MALRD1: variants seen among roughly 807,000 people sequenced by gnomAD.
MALRD1 encodes MAM and LDL-receptor class A domain-containing protein 1.
MALRD1 carries 247 observed loss-of-function variants against 242.1 expected under a neutral mutation model. The ratio of observed to expected loss-of-function variants is 1.02; its 90% CI spans 0.92 to 1.13. The LOEUF is 1.13. Among genes scored for constraint, MALRD1 ranks in the 50% most tolerant of loss-of-function variants. The probability of loss-of-function intolerance (pLI) is 0.00; values close to 1 mark genes in which losing one functional copy is unlikely to be tolerated. For synonymous variants in MALRD1, 995 were observed against 866.6 expected (o/e 1.15, Z -2.60); for missense variants, 2,989 against 2,533.1 (o/e 1.18, Z -3.86).
intron 18 of MALRD1, among the ~76,000 whole-genome samples, chr10:19,239,937 C>T (rs1296884712): frequency 1.3e-5 from 2 of 152,106 alleles, no homozygotes; most frequent in African/African-American, 2.4e-5. Flanking sequence ...AGTGTGGTGC[C>T]TCCAGCTTTG....
chr10:19,068,522 A>G (rs1017585409), intron 2 of MALRD1, among the ~76,000 whole-genome samples: 2 of 152,112 alleles, frequency 1.3e-5, no homozygotes, highest in African/African-American at 4.8e-5. Flanking sequence ...AAACAGAGAT[A>G]ATAATAATGC....
intron 23 of MALRD1, 26 bp downstream of exon 23, chr10:19,327,699 T>C: frequency 6.7e-7 from 1 of 1,498,788 alleles, no homozygotes; most frequent in Non-Finnish European, 9.1e-7. Context: ...AGTTATGGGG[T>C]GAGTGAGTTC....
intron 14 of MALRD1, among the ~76,000 whole-genome samples, chr10:19,198,661 A>G (rs1017868318): frequency 6.6e-6 from 1 of 152,202 alleles, no homozygotes; most frequent in Non-Finnish European, 1.5e-5. Context: ...GTCTACCAAT[A>G]ATAACTCTAC....
chr10:19,655,262 T>C (rs1358928497), intron 36 of MALRD1, among the ~76,000 whole-genome samples: 2 of 152,000 alleles, frequency 1.3e-5, no homozygotes, highest in African/African-American at 4.8e-5. Flanking sequence ...ACTTTTTAAA[T>C]TTCTGCAGTA....
intron 1 of MALRD1, among the ~76,000 whole-genome samples, chr10:19,062,978 T>C (rs1176788635): frequency 6.6e-6 from 1 of 151,966 alleles, no homozygotes; most frequent in Non-Finnish European, 1.5e-5. Context: ...AAACACCATC[T>C]CTACAAAATG....
At chr10:19,442,148 G>C (rs1253500352) in intron 28 of MALRD1, among the ~76,000 whole-genome samples, 1 of 152,136 alleles carries the variant, frequency 6.6e-6, no homozygotes, top group Non-Finnish European at 1.5e-5. Context: ...TGTTATTGGT[G>C]TATAGGAATG....
intron 36 of MALRD1, among the ~76,000 whole-genome samples, chr10:19,676,015 G>C (rs1165784544): frequency 1.3e-5 from 2 of 152,174 alleles, no homozygotes; most frequent in African/African-American, 4.8e-5. Flanking sequence ...TTGATAAGAA[G>C]TGAAGCCATC....
At position 19,450,852 on chromosome 10, in the gene MALRD1, G is replaced by A. The variant is rs569089437; in HGVS notation, c.5029+362G>A. ...CTTCTTGCTGTGTCTTCACTTGGTG[G>A]AGTCCAAGTGGAGCCCTTATAAAAT... On this transcript the variant is annotated intron_variant, in intron 29 of 39. Coordinates refer to ENST00000454679, the MANE Select transcript of MALRD1 (RefSeq NM_001142308.3). Among the ~76,000 whole-genome samples, 6 of 152,154 alleles carry A rather than the reference G, an allele frequency of 3.9e-5. No homozygotes were observed. In the East Asian group the frequency reaches 9.8e-4, roughly 25 times the overall value.
intron 33 of MALRD1, among the ~76,000 whole-genome samples, chr10:19,584,331 G>T (rs1837283310): frequency 6.6e-6 from 1 of 152,004 alleles, no homozygotes; most frequent in South Asian, 2.1e-4. Flanking sequence ...TGTCAATTTT[G>T]GATCTTTTCT....
intron 4 of MALRD1, among the ~76,000 whole-genome samples, chr10:19,101,742 A>C (rs1294710233): frequency 7.3e-6 from 1 of 136,134 alleles, no homozygotes; most frequent in Non-Finnish European, 1.5e-5. Context: ...ATTATATCAC[A>C]TATATAATAT....
intron 38 of MALRD1, among the ~76,000 whole-genome samples, chr10:19,716,252 T>C (rs1834380380): frequency 6.6e-6 from 1 of 152,192 alleles, no homozygotes; most frequent in Admixed American, 6.5e-5. Context: ...TCAGCTCAAA[T>C]TGTAATCCCC....
intron 36 of MALRD1, among the ~76,000 whole-genome samples, chr10:19,627,833 A>T (rs1839733423): frequency 6.6e-6 from 1 of 151,872 alleles, no homozygotes; most frequent in Non-Finnish European, 1.5e-5. Context: ...AATATACAGG[A>T]TACACAACAG....
At chr10:19,080,195 A>G (rs1031459001) in intron 2 of MALRD1, among the ~76,000 whole-genome samples, 3 of 152,080 alleles carry the variant, frequency 2.0e-5, no homozygotes, top group African/African-American at 7.2e-5. Context: ...CATACTGACC[A>G]AAGTAATTTA....
chr10:19,096,722 A>G (rs1050264600), intron 4 of MALRD1, among the ~76,000 whole-genome samples: 3 of 152,218 alleles, frequency 2.0e-5, no homozygotes, highest in Admixed American at 1.3e-4. Context: ...AAGAACTTAC[A>G]AGCCTCTCAG....
chr10:19,237,974 T>C (rs370240935), intron 18 of MALRD1, among the ~76,000 whole-genome samples: 1 of 65,174 alleles, frequency 1.5e-5, no homozygotes, highest in African/African-American at 5.5e-5. Flanking sequence ...TATACAGTTA[T>C]ATATAATTAT....
At chr10:19,491,187 G>A in intron 29 of MALRD1, 1 of 513,728 alleles carries the variant, frequency 1.9e-6, no homozygotes. Context: ...CAATGAGCAG[G>A]ATTTGGTGGC....
intron 21 of MALRD1, among the ~76,000 whole-genome samples, chr10:19,314,995 A>T (rs1842583560): frequency 6.8e-6 from 1 of 146,992 alleles, no homozygotes; most frequent in African/African-American, 2.5e-5. Flanking sequence ...ATGTGTGCTT[A>T]GTAAATTTAT....
chr10:19,192,720 G>C (rs1036454869), intron 14 of MALRD1, among the ~76,000 whole-genome samples: 2 of 150,786 alleles, frequency 1.3e-5, no homozygotes, highest in Non-Finnish European at 3.0e-5. Flanking sequence ...AATGAGTGTT[G>C]CAAGTCCCTA....
chr10:19,186,580 G>T (rs56380599), intron 14 of MALRD1, among the ~76,000 whole-genome samples: 9,928 of 152,094 alleles, frequency 0.065, 427 homozygotes, highest in Middle Eastern at 0.11. Context: ...ATAAAAGCAG[G>T]CATTTAACAA....
Sources: gnomAD v4.1 joint callset for allele counts (sites outside exome capture counted in the v4.1 genomes callset) on GRCh38, gnomAD v4.1.1 for gene constraint, MANE v1.5 for transcripts, NCBI Gene and HGNC (gene_info 2026-07-23, HGNC 2026-07-21) for gene names.